ASRGL1: variants seen among roughly 807,000 people sequenced by gnomAD.
ASRGL1 encodes the protein asparaginase and isoaspartyl peptidase 1, also known as isoaspartyl peptidase/L-asparaginase.
In ASRGL1, 16 loss-of-function variants were observed where a neutral mutation model predicts 22.4. That is an observed-to-expected ratio of 0.71 (90% confidence interval 0.48 to 1.08). The LOEUF is 1.08. ASRGL1 is among the 50% of genes least tolerant of loss of function. ASRGL1 has a pLI of 0.00. For synonymous variants in ASRGL1, 165 were observed against 159.3 expected (o/e 1.04, Z -0.27); for missense variants, 412 against 410.1 (o/e 1.00, Z -0.04).
chr11:62,371,179 T>C (rs1946751288), intron 4 of ASRGL1: 1 of 1,236,104 alleles, frequency 8.1e-7, no homozygotes, highest in Non-Finnish European at 1.1e-6. Flanking sequence ...GGAGCTGAGC[T>C]CGGGCAACGG....
chr11:62,395,017 T>G (rs546370076), downstream of ASRGL1, among the ~76,000 whole-genome samples: 1 of 152,266 alleles, frequency 6.6e-6, no homozygotes, highest in East Asian at 1.9e-4. Flanking sequence ...AACTATAAAC[T>G]ATCCATGGCT....
At chr11:62,378,634 TGAATTACGG>T (rs1251108664) in intron 4 of ASRGL1, among the ~76,000 whole-genome samples, 1 of 152,218 alleles carries the variant, frequency 6.6e-6, no homozygotes, top group Non-Finnish European at 1.5e-5. Context: ...CCCCATGGGT[TGAATTACGG>T]CATTTACGGC....
downstream of ASRGL1, among the ~76,000 whole-genome samples, chr11:62,395,358 T>G (rs1188070812): frequency 1.3e-5 from 2 of 151,484 alleles, no homozygotes; most frequent in Non-Finnish European, 2.9e-5. Flanking sequence ...ACCAAAATGG[T>G]GGGATAATAA....
At chr11:62,391,671 A>G (rs1193716632) in intron 6 of ASRGL1, 39 bp downstream of exon 6, 3 of 1,561,128 alleles carry the variant, frequency 1.9e-6, no homozygotes, top group Non-Finnish European at 2.6e-6. Context: ...ATTTGTGAAG[A>G]TAAGTGCATA....
In ASRGL1 at chr11:62,338,083, G is replaced by C; in HGVS notation, c.106G>C (p.Gly36Arg). Reference protein sequence around the residue: ...GMVRAATVGYGILREGGSAVD... With the variant: ...GMVRAATVGYRILREGGSAVD... ...GGTCAGAGCCGCCACCGTGGGCTAC[G>C]GCATCCTCCGGGAGGGCGGGAGCGC... Residue 36 changes from glycine (G) to arginine (R), a missense_variant, in exon 2 of 7, where the codon GGC becomes CGC. Physicochemically the swap from Gly to Arg is moderately radical, Grantham distance 125. Transcript: ENST00000415229. 1 of 1,607,166 alleles carries C rather than the reference G, an allele frequency of 6.2e-7. No individual in the cohort carries two copies.
downstream of ASRGL1, among the ~76,000 whole-genome samples, chr11:62,396,271 G>A (rs940002671): frequency 6.6e-6 from 1 of 151,424 alleles, no homozygotes; most frequent in African/African-American, 2.4e-5. Context: ...GGGGGAGGTG[G>A]TGGGGGTGCC....
rs1379317167 is a variant in ASRGL1, at chr11:62,360,870, A to C, written c.491+3726A>C. ...AAACAATTGATTTTACCGGAAACAG[A>C]AAACAATATAAAATACTGATGTAAT... On this transcript the variant is annotated intron_variant, in intron 4 of 6. Coordinates refer to ENST00000415229, the MANE Select transcript of ASRGL1 (RefSeq NM_001083926.2). 2.0e-5 allele frequency among the ~76,000 whole-genome samples: 3 copies of C among 152,186 alleles called. No homozygotes were observed. In the East Asian group the frequency reaches 5.8e-4, roughly 29 times the overall value.
chr11:62,376,971 A>G (rs1946947496), intron 4 of ASRGL1, among the ~76,000 whole-genome samples: 1 of 152,258 alleles, frequency 6.6e-6, no homozygotes, highest in South Asian at 2.1e-4. Flanking sequence ...ATGAAGGTAC[A>G]TGCGTGACAT....
At chr11:62,354,787 G>C (rs1030914007) in intron 2 of ASRGL1, among the ~76,000 whole-genome samples, 8 of 152,234 alleles carry the variant, frequency 5.3e-5, no homozygotes, top group African/African-American at 1.9e-4. Flanking sequence ...CAGAAGCAAG[G>C]CTGTGGATAA....
At chr11:62,342,242 A>T (rs975521355) in intron 2 of ASRGL1, among the ~76,000 whole-genome samples, 5 of 152,218 alleles carry the variant, frequency 3.3e-5, no homozygotes, top group African/African-American at 1.2e-4. Context: ...AGGTAAAAAC[A>T]CCTTTAAATA....
chr11:62,373,124 T>A, intron 4 of ASRGL1: 1 of 1,461,312 alleles, frequency 6.8e-7, no homozygotes, highest in Non-Finnish European at 9.6e-7. Context: ...AAAGTGAAAC[T>A]GAGAAAGAAA....
chr11:62,354,564 A>G (rs1565157128), intron 2 of ASRGL1, among the ~76,000 whole-genome samples: 1 of 152,216 alleles, frequency 6.6e-6, no homozygotes. Flanking sequence ...GAACACAAGC[A>G]CTGAGAGGTG....
At chr11:62,346,256 C>A (rs1946017967) in intron 2 of ASRGL1, among the ~76,000 whole-genome samples, 1 of 152,050 alleles carries the variant, frequency 6.6e-6, no homozygotes, top group African/African-American at 2.4e-5. Context: ...AATATATTTA[C>A]CAGTTTATTA....
chr11:62,368,916 G>A (rs55751525), intron 4 of ASRGL1, among the ~76,000 whole-genome samples: 1 of 152,070 alleles, frequency 6.6e-6, no homozygotes, highest in African/African-American at 2.4e-5. Flanking sequence ...ACATACAATC[G>A]GGTTTTACAC....
At chr11:62,380,331 C>T (rs186539979) in intron 4 of ASRGL1, among the ~76,000 whole-genome samples, 1 of 152,094 alleles carries the variant, frequency 6.6e-6, no homozygotes, top group Non-Finnish European at 1.5e-5. Context: ...AGCAGCATCT[C>T]GGAGCCTTGC....
At chr11:62,372,777 G>A in intron 4 of ASRGL1, 1 of 1,567,882 alleles carries the variant, frequency 6.4e-7, no homozygotes, top group Non-Finnish European at 8.8e-7. Flanking sequence ...CCAGATCTAT[G>A]CTGGTTACAC....
chr11:62,339,247 G>A (rs1945807535), intron 2 of ASRGL1, among the ~76,000 whole-genome samples: 1 of 152,164 alleles, frequency 6.6e-6, no homozygotes, highest in African/African-American at 2.4e-5. Flanking sequence ...TATCTGTCAT[G>A]TGATGTCATA....
intron 4 of ASRGL1, chr11:62,382,423 G>T (rs942257852): frequency 5.3e-5 from 8 of 151,980 alleles, no homozygotes; most frequent in African/African-American, 1.9e-4. Flanking sequence ...AAGGAAAGGT[G>T]CTATGCCTTG....
At chr11:62,346,395 C>T (rs12287823) in intron 2 of ASRGL1, among the ~76,000 whole-genome samples, 8,801 of 152,142 alleles carry the variant, frequency 0.058, 834 homozygotes, top group African/African-American at 0.2. Context: ...CCTTCACATA[C>T]CTAGCAATCC....
Sources: allele counts gnomAD v4.1 joint callset (sites outside exome capture counted in the v4.1 genomes callset), GRCh38; gene constraint gnomAD v4.1.1; transcripts MANE v1.5; gene names NCBI Gene and HGNC (gene_info 2026-07-23, HGNC 2026-07-21).